Variants in SORBS2 observed in about 807,000 individuals in gnomAD.
The protein encoded by SORBS2 is sorbin and SH3 domain-containing protein 2.
SORBS2 carries 46 observed loss-of-function variants against 97.7 expected under a neutral mutation model. The observed-to-expected ratio is 0.47, with a 90% confidence interval of 0.37 to 0.60. SORBS2 has a LOEUF of 0.60. SORBS2 is among the 20% of genes least tolerant of loss of function. The probability of loss-of-function intolerance (pLI) is 0.00; values close to 1 mark genes in which losing one functional copy is unlikely to be tolerated. For missense variants in SORBS2, 1,316 were observed against 1,282.3 expected, an observed-to-expected ratio of 1.03 and a Z score of -0.40; for synonymous variants, 476 against 473.4, an observed-to-expected ratio of 1.01 and a Z score of -0.07.
chr4:185,946,326 G>A (rs1252632601), intron 1 of SORBS2, among the ~76,000 whole-genome samples: 3 of 152,184 alleles, frequency 2.0e-5, no homozygotes, highest in African/African-American at 7.2e-5. Flanking sequence ...CAAGGTTATT[G>A]CCATAATTGG....
chr4:185,824,543 T>C (rs76117155), intron 1 of SORBS2, among the ~76,000 whole-genome samples: 3,044 of 152,232 alleles, frequency 0.02, 81 homozygotes, highest in African/African-American at 0.069. Flanking sequence ...TAATCCTTTC[T>C]GGGAAAAAAG....
chr4:185,939,521 T>G (rs1238225055), intron 1 of SORBS2, among the ~76,000 whole-genome samples: 1 of 152,184 alleles, frequency 6.6e-6, no homozygotes, highest in African/African-American at 2.4e-5. Flanking sequence ...AACTTTCTTT[T>G]TTTTTTGAGA....
intron 2 of SORBS2, among the ~76,000 whole-genome samples, chr4:185,703,351 T>A (rs1263322400): frequency 6.6e-6 from 1 of 152,210 alleles, no homozygotes; most frequent in Non-Finnish European, 1.5e-5. Flanking sequence ...ATTCTTTTTT[T>A]ATTCTGTTAG....
At chr4:185,941,060 GGTTGAAAAACCATGCCATTC>G (rs1162166021) in intron 1 of SORBS2, among the ~76,000 whole-genome samples, 3 of 152,096 alleles carry the variant, frequency 2.0e-5, no homozygotes, top group African/African-American at 4.8e-5. Context: ...GTAGGATTAA[GGTTGAAAAACCATGCCATTC>G]GTCTACTTCG....
At chr4:185,805,682 A>T (rs2099150260) in intron 1 of SORBS2, among the ~76,000 whole-genome samples, 1 of 152,242 alleles carries the variant, frequency 6.6e-6, no homozygotes, top group Admixed American at 6.5e-5. Flanking sequence ...CCAAGCAGTT[A>T]TACAATTTTC....
intron 4 of SORBS2, chr4:185,666,251 C>T (rs2153479555): frequency 9.8e-7 from 1 of 1,024,256 alleles, no homozygotes; most frequent in Non-Finnish European, 1.3e-6. Context: ...ATCCAATTAA[C>T]AAAAGTACCT....
chr4:185,663,916 GCA>G (rs1561776952), intron 4 of SORBS2, among the ~76,000 whole-genome samples: 1 of 139,674 alleles, frequency 7.2e-6, no homozygotes, highest in Non-Finnish European at 1.5e-5. Context: ...GTGCAGTGGC[GCA>G]GTCTCGGCTC....
chr4:185,779,738 C>G (rs1040959792), intron 1 of SORBS2, among the ~76,000 whole-genome samples: 6 of 152,192 alleles, frequency 3.9e-5, no homozygotes, highest in Non-Finnish European at 5.9e-5. Context: ...TGTTTAGAGA[C>G]CTCCCTGGTC....
chr4:185,615,280 G>A (rs2096610968), intron 9 of SORBS2, 121 bp from the exon 22 acceptor site: 2 of 659,732 alleles, frequency 3.0e-6, no homozygotes, highest in Non-Finnish European at 5.4e-6. Context: ...AAATCCAATT[G>A]ATATTGAGTC....
At chr4:185,737,073 G>T (rs1164002978) in intron 2 of SORBS2, among the ~76,000 whole-genome samples, 1 of 152,204 alleles carries the variant, frequency 6.6e-6, no homozygotes, top group East Asian at 1.9e-4. Context: ...AACAGTGCCT[G>T]AAGGAAGAAC....
At chr4:185,642,383 T>C (rs2097140757) in intron 4 of SORBS2, among the ~76,000 whole-genome samples, 2 of 152,062 alleles carry the variant, frequency 1.3e-5, no homozygotes, top group South Asian at 4.1e-4. Context: ...CATACAGAGG[T>C]CCTAAACAAA....
chr4:185,747,010 G>C (rs935255000), intron 2 of SORBS2, among the ~76,000 whole-genome samples: 6 of 152,186 alleles, frequency 3.9e-5, no homozygotes, highest in Non-Finnish European at 8.8e-5. Context: ...CTTAAGAAGA[G>C]TGCCGGGCGC....
At chr4:185,829,634 C>T (rs2099204060) in intron 1 of SORBS2, among the ~76,000 whole-genome samples, 1 of 152,194 alleles carries the variant, frequency 6.6e-6, no homozygotes, top group African/African-American at 2.4e-5. Context: ...GTGAGCATCT[C>T]TCCAGAAGGT....
chr4:185,666,547 A>G (rs2097604331), intron 4 of SORBS2, among the ~76,000 whole-genome samples: 1 of 152,212 alleles, frequency 6.6e-6, no homozygotes. Flanking sequence ...ATCGGTCAGC[A>G]GAATTGGTTT....
chr4:185,806,748 G>A (rs917111392), intron 1 of SORBS2, among the ~76,000 whole-genome samples: 101 of 152,170 alleles, frequency 6.6e-4, no homozygotes, highest in Non-Finnish European at 1.4e-3. Context: ...GTGAGCCACC[G>A]CGCCCGGCCT....
At chr4:185,666,831 C>T (rs1246444162) in intron 4 of SORBS2, among the ~76,000 whole-genome samples, 1 of 152,124 alleles carries the variant, frequency 6.6e-6, no homozygotes, top group East Asian at 1.9e-4. Context: ...AAAATGAAAA[C>T]CAGCCACTGA....
intron 2 of SORBS2, among the ~76,000 whole-genome samples, chr4:185,735,379 T>TA (rs893154529): frequency 6.6e-6 from 1 of 151,154 alleles, no homozygotes; most frequent in Non-Finnish European, 1.5e-5. Context: ...GTAAACTATT[T>TA]TTTTTTTTTT....
intron 11 of SORBS2, 27 bp downstream of exon 23, chr4:185,614,804 A>AAACAAAAACC (rs1465584615): frequency 4.3e-6 from 7 of 1,612,398 alleles, no homozygotes; most frequent in African/African-American, 2.7e-5. Context: ...AAACAAAAAC[A>AAACAAAAACC]AACAAACAAA....
intron 1 of SORBS2, among the ~76,000 whole-genome samples, chr4:185,908,740 G>A (rs1304312297): frequency 6.6e-6 from 1 of 151,938 alleles, no homozygotes; most frequent in African/African-American, 2.4e-5. Context: ...TTCATCTCAG[G>A]AGAGTAAGAT....
Sources: allele counts gnomAD v4.1 joint callset (sites outside exome capture counted in the v4.1 genomes callset), GRCh38; gene constraint gnomAD v4.1.1; transcripts MANE v1.5; gene names NCBI Gene and HGNC (gene_info 2026-07-23, HGNC 2026-07-21).